The following DPP6 variants were observed in gnomAD, a reference collection of about 807,000 sequenced individuals.
DPP6 encodes dipeptidyl peptidase like 6.
DPP6 carries 69 observed loss-of-function variants against 122.6 expected under a neutral mutation model. The ratio of observed to expected loss-of-function variants is 0.56; its 90% CI spans 0.46 to 0.69. DPP6 has a LOEUF of 0.69. DPP6 is among the 30% of genes least tolerant of loss of function. DPP6 has a pLI of 0.00. For missense variants in DPP6, 928 were observed against 1,116.9 expected (o/e 0.83, Z 2.41); for synonymous variants, 418 against 433.1 (o/e 0.97, Z 0.43).
intron 5 of DPP6, among the ~76,000 whole-genome samples, chr7:154,599,520 T>TATC (rs1417459042): frequency 3.4e-5 from 5 of 145,016 alleles, no homozygotes; most frequent in Non-Finnish European, 7.5e-5. Flanking sequence ...TTATTATTAT[T>TATC]ATCATTATAC....
At chr7:154,422,897 C>G (rs1817595421) in intron 1 of DPP6, among the ~76,000 whole-genome samples, 2 of 152,158 alleles carry the variant, frequency 1.3e-5, no homozygotes, top group African/African-American at 2.4e-5. Context: ...AAATAAATTA[C>G]TTTTTCGTAA....
chr7:154,627,000 CTTTTTTTTTTTTTTTTTTTT>C (rs552919287), intron 5 of DPP6, among the ~76,000 whole-genome samples: 9 of 52,092 alleles, frequency 1.7e-4, no homozygotes, highest in East Asian at 7.7e-4. Context: ...GAAATTTTTT[CTTTTTTTTTTTTTTTTTTTT>C]TTTTTTTTTT....
intron 1 of DPP6, among the ~76,000 whole-genome samples, chr7:154,213,570 C>T (rs1000565491): frequency 5.9e-5 from 9 of 152,188 alleles, no homozygotes; most frequent in Admixed American, 1.3e-4. Flanking sequence ...CAAGAAGCCT[C>T]GCACACAGAG....
At chr7:154,207,295 G>A (rs768552116) in intron 1 of DPP6, among the ~76,000 whole-genome samples, 5 of 152,150 alleles carry the variant, frequency 3.3e-5, no homozygotes, top group Non-Finnish European at 5.9e-5. Context: ...TTGTAATGCC[G>A]TTGGTGTCCA....
At chr7:153,906,827 C>T (rs1464668023) in intron 1 of DPP6, among the ~76,000 whole-genome samples, 3 of 152,154 alleles carry the variant, frequency 2.0e-5, no homozygotes, top group Non-Finnish European at 4.4e-5. Flanking sequence ...CTGGAAAAGA[C>T]AAGTTTTCAT....
At chr7:154,439,972 T>C (rs11971722) in intron 1 of DPP6, among the ~76,000 whole-genome samples, 3,669 of 152,220 alleles carry the variant, frequency 0.024, 73 homozygotes, top group African/African-American at 0.055. Context: ...ACGTCCCTTC[T>C]CCACATGGAG....
At chr7:153,781,713 G>A in the DPP6 span, among the ~76,000 whole-genome samples, 6 of 151,878 alleles carry the variant, frequency 4.0e-5, no homozygotes, top group African/African-American at 7.3e-5. Flanking sequence ...TGAGGGTACC[G>A]TGAAAGATTG....
chr7:154,478,950 T>TTTTGTTTGTTTGTTTG (rs74495057), intron 3 of DPP6, among the ~76,000 whole-genome samples: 1 of 150,604 alleles, frequency 6.6e-6, no homozygotes, highest in African/African-American at 2.5e-5. Context: ...TGATTTTGTT[T>TTTTGTTTGTTTGTTTG]TTTGTTTGTT....
At chr7:153,813,710 T>C in the DPP6 span, among the ~76,000 whole-genome samples, 1 of 151,952 alleles carries the variant, frequency 6.6e-6, no homozygotes, top group East Asian at 1.9e-4. Context: ...TTTTTAATGA[T>C]TGCCATTCTA....
chr7:153,948,667 C>A (rs538587189), intron 1 of DPP6, among the ~76,000 whole-genome samples: 5 of 148,104 alleles, frequency 3.4e-5, no homozygotes, highest in East Asian at 2.0e-4. Context: ...TAGACTTATT[C>A]AAAAATGAAC....
chr7:154,121,818 G>A (rs1807493902), intron 1 of DPP6, among the ~76,000 whole-genome samples: 1 of 152,158 alleles, frequency 6.6e-6, no homozygotes, highest in East Asian at 1.9e-4. Flanking sequence ...TCCCACCAGA[G>A]CATGCCAGTG....
intron 1 of DPP6, among the ~76,000 whole-genome samples, chr7:154,209,878 C>T: frequency 6.6e-6 from 1 of 152,182 alleles, no homozygotes; most frequent in East Asian, 1.9e-4. Context: ...AGGGCATGGA[C>T]CCCTGGCCCT....
At chr7:154,424,190 T>A (rs1403122020) in intron 1 of DPP6, among the ~76,000 whole-genome samples, 1 of 152,242 alleles carries the variant, frequency 6.6e-6, no homozygotes, top group Non-Finnish European at 1.5e-5. Flanking sequence ...CGCAGATATT[T>A]GTTGCAGATT....
At chr7:153,817,698 T>C in the DPP6 span, among the ~76,000 whole-genome samples, 135 of 135,242 alleles carry the variant, frequency 1.0e-3, 1 homozygote, top group Non-Finnish European at 1.6e-3. Flanking sequence ...TTCTCACTCA[T>C]AGGTGGGAAT....
chr7:154,232,386 A>G (rs1800969116), intron 1 of DPP6, among the ~76,000 whole-genome samples: 1 of 152,182 alleles, frequency 6.6e-6, no homozygotes, highest in Admixed American at 6.5e-5. Flanking sequence ...TCATCTACTG[A>G]TAGCAAAATC....
chr7:154,256,273 T>A (rs1802654571), intron 1 of DPP6, among the ~76,000 whole-genome samples: 1 of 152,174 alleles, frequency 6.6e-6, no homozygotes, highest in Admixed American at 6.5e-5. Context: ...AAAGGTTTCA[T>A]AAACTACAGT....
chr7:154,006,554 C>T (rs1251083948), intron 1 of DPP6, among the ~76,000 whole-genome samples: 5 of 152,144 alleles, frequency 3.3e-5, no homozygotes, highest in Admixed American at 2.0e-4. Context: ...TTGTGTAATT[C>T]GATCACTAGG....
chr7:153,762,417 G>A, the DPP6 span, among the ~76,000 whole-genome samples: 2 of 152,100 alleles, frequency 1.3e-5, no homozygotes, highest in African/African-American at 2.4e-5. Context: ...CTGCCAATTG[G>A]ACATCTGTGT....
chr7:154,256,971 TTTTTTC>T (rs888808867), intron 1 of DPP6, among the ~76,000 whole-genome samples: 13 of 150,494 alleles, frequency 8.6e-5, no homozygotes, highest in Admixed American at 8.0e-4. Flanking sequence ...CCTTGGGTTC[TTTTTTC>T]TTTTTCTTTT....
Sources: allele counts gnomAD v4.1 joint callset (sites outside exome capture counted in the v4.1 genomes callset), GRCh38; gene constraint gnomAD v4.1.1; transcripts MANE v1.5; gene names NCBI Gene and HGNC (gene_info 2026-07-23, HGNC 2026-07-21).